KLHL1: variants seen among roughly 807,000 people sequenced by gnomAD.
KLHL1 encodes the protein kelch like family member 1.
Under a neutral mutation model 77.7 loss-of-function variants are expected in KLHL1, and 47 were observed. The observed-to-expected ratio is 0.60, with a 90% confidence interval of 0.48 to 0.77. The LOEUF (loss-of-function observed/expected upper bound fraction) is 0.77. Ranked by LOEUF, KLHL1 falls within the 30% of genes least tolerant of loss-of-function variation. The probability of loss-of-function intolerance (pLI) is 0.00; values close to 1 mark genes in which losing one functional copy is unlikely to be tolerated. For missense variants in KLHL1, 925 were observed against 910.8 expected, an observed-to-expected ratio of 1.02 and a Z score of -0.20; for synonymous variants, 360 against 325.2, an observed-to-expected ratio of 1.11 and a Z score of -1.15.
In KLHL1 at chr13:69,839,152, T is replaced by C. The variant is rs1210633637; in HGVS notation, c.1238A>G (p.Asp413Gly). The C allele has an allele frequency of 1.3e-6, 2 of 1,595,502 alleles. No homozygotes were observed. The highest frequency in any genetic ancestry group is 1.7e-6 in the Non-Finnish European group (2 of 1,168,578). The stretch of plus-strand genomic sequence containing the variant: ...CTTAAATAATGCATGATTTTCTAGG[T>C]CAGCCAATATCTGTGAATAATACAC... The part of the protein sequence containing the change: ...LPLLPPQILA[D>G]LENHALFKND... The change falls in exon 6 of 11, where the codon GAC (aspartate) becomes GGC (glycine). Residue 413 changes from aspartate to glycine, a missense_variant. Transcript: ENST00000377844.
chr13:69,946,010 T>C (rs930536789), intron 3 of KLHL1, among the ~76,000 whole-genome samples: 2 of 152,162 alleles, frequency 1.3e-5, no homozygotes, highest in African/African-American at 2.4e-5. Context: ...AAAATAATTA[T>C]TGATTATGAA....
chr13:69,800,272 CT>C (rs1345703899), intron 6 of KLHL1, among the ~76,000 whole-genome samples: 1 of 152,152 alleles, frequency 6.6e-6, no homozygotes, highest in Non-Finnish European at 1.5e-5. Context: ...TGCTTAACAA[CT>C]TTAATTCCTT....
intron 1 of KLHL1, among the ~76,000 whole-genome samples, chr13:70,019,184 G>A (rs533790270): frequency 6.6e-6 from 1 of 152,156 alleles, no homozygotes; most frequent in Non-Finnish European, 1.5e-5. Flanking sequence ...ATTCAGGAAA[G>A]GTTGTCTCTG....
chr13:70,031,661 A>G (rs575957807), intron 1 of KLHL1, among the ~76,000 whole-genome samples: 1 of 152,176 alleles, frequency 6.6e-6, no homozygotes, highest in African/African-American at 2.4e-5. Flanking sequence ...GGATGGGGGT[A>G]AGCTACTTTC....
At position 69,837,614 on chromosome 13, in the gene KLHL1, C is replaced by CTCTCTA. The variant is rs570243891; in HGVS notation, c.1414+1361_1414+1362insTAGAGA. Among the ~76,000 whole-genome samples, 547 of 136,416 alleles carry CTCTCTA rather than the reference C, an allele frequency of 4.0e-3. 15 individuals are homozygous for CTCTCTA. The highest frequency in any genetic ancestry group is 0.014 in the African/African-American group (472 of 32,846). 89.5% of individuals were successfully genotyped at this position (136,416 alleles called of 152,430 possible). On this transcript the variant is annotated intron_variant, in intron 6 of 10. Transcript: ENST00000377844. ...TATATATACACATACATCTCTCTCT[C>CTCTCTA]TATATATATGTGTGTGTATATATAT...
At chr13:70,019,284 G>A (rs1885731731) in intron 1 of KLHL1, among the ~76,000 whole-genome samples, 1 of 152,146 alleles carries the variant, frequency 6.6e-6, no homozygotes, top group Non-Finnish European at 1.5e-5. Flanking sequence ...AAACTCGGGT[G>A]AGCCTGGGGA....
chr13:69,868,398 A>AAAAATGAC (rs1880453166), intron 5 of KLHL1, among the ~76,000 whole-genome samples: 1 of 151,572 alleles, frequency 6.6e-6, no homozygotes. Context: ...TTTGTTAGAG[A>AAAAATGAC]AAAATGACAT....
At chr13:69,725,220 T>G (rs1488013053) in intron 8 of KLHL1, among the ~76,000 whole-genome samples, 1 of 152,180 alleles carries the variant, frequency 6.6e-6, no homozygotes, top group Non-Finnish European at 1.5e-5. Context: ...TGAAAATATG[T>G]TATGAAAAAC....
intron 1 of KLHL1, among the ~76,000 whole-genome samples, chr13:70,067,476 G>C (rs1166845769): frequency 2.6e-5 from 4 of 152,102 alleles, no homozygotes; most frequent in Non-Finnish European, 5.9e-5. Flanking sequence ...ACCTTGTATG[G>C]GGAAAGCCGG....
Position 69,975,754 on chromosome 13 carries a change from G to A in KLHL1, c.546C>T (p.Ser182=), listed in dbSNP as rs754265694. The change falls in exon 2 of 11, where the codon TCC becomes TCT. Residue 182 remains serine, a synonymous_variant. Coordinates refer to ENST00000377844, the MANE Select transcript of KLHL1 (RefSeq NM_020866.3). ...CTTGATAGAATTCTTCAGAGCTACT[G>A]GAGTCCAAATCACTTTGAGGTGTCA... ...HSMTPQSDLD[S]SSSEEFYQAV... The A allele has an allele frequency of 7.4e-6, 12 of 1,612,828 alleles. No individual in the cohort carries two copies. In the South Asian group the frequency reaches 7.7e-5, roughly 10 times the overall value.
intron 9 of KLHL1, 24 bp from the exon 10 acceptor site, chr13:69,707,820 A>T (rs180725391): frequency 1.9e-6 from 3 of 1,588,676 alleles, no homozygotes; most frequent in East Asian, 4.5e-5. Flanking sequence ...ACAATAGTAC[A>T]TAACATATTC....
At chr13:69,788,906 G>T (rs1046179552) in intron 7 of KLHL1, among the ~76,000 whole-genome samples, 4 of 152,164 alleles carry the variant, frequency 2.6e-5, no homozygotes, top group East Asian at 1.9e-4. Context: ...TTATTCTAAT[G>T]ATATTACAAT....
At chr13:69,855,250 C>T (rs1372176261) in intron 5 of KLHL1, among the ~76,000 whole-genome samples, 4 of 151,478 alleles carry the variant, frequency 2.6e-5, no homozygotes, top group Admixed American at 1.3e-4. Context: ...GATGCCAGAA[C>T]GGCTGCTGGA....
At chr13:70,009,017 G>A (rs1385855658) in intron 1 of KLHL1, among the ~76,000 whole-genome samples, 1 of 152,092 alleles carries the variant, frequency 6.6e-6, no homozygotes, top group Non-Finnish European at 1.5e-5. Context: ...TAAAAGTAAA[G>A]ATGAGATTAT....
chr13:70,007,202 C>A lies in KLHL1; in HGVS notation c.498-31400G>T, dbSNP rs541327473. On this transcript the variant is annotated intron_variant, in intron 1 of 10. Transcript: ENST00000377844. ...TGGAAAAAGTTTATTTGGAATGTGTCGTATTGCAATAAATCAAATGTGTAT... is the reference window on the plus strand; with the variant it reads ...TGGAAAAAGTTTATTTGGAATGTGTAGTATTGCAATAAATCAAATGTGTAT... 5.3e-5 allele frequency among the ~76,000 whole-genome samples: 8 copies of A among 151,982 alleles called. No homozygotes were observed. In the South Asian group the frequency reaches 1.5e-3, roughly 28 times the overall value.
intron 1 of KLHL1, among the ~76,000 whole-genome samples, chr13:69,978,952 G>C (rs188665206): frequency 6.6e-6 from 1 of 152,038 alleles, no homozygotes; most frequent in East Asian, 1.9e-4. Context: ...GAAAGAAATA[G>C]AGCTTGGTGA....
chr13:70,009,068 T>G (rs1885471090), intron 1 of KLHL1, among the ~76,000 whole-genome samples: 1 of 151,788 alleles, frequency 6.6e-6, no homozygotes, highest in South Asian at 2.1e-4. Context: ...AATTGGGGGG[T>G]TTTGAAAAAC....
Position 70,107,294 on chromosome 13 carries a change from G to C in KLHL1, c.406C>G (p.Pro136Ala), listed in dbSNP as rs371552263. The change falls in exon 1 of 11, where the codon CCT (proline) becomes GCT (alanine). Residue 136 changes from proline to alanine, a missense_variant. Pro to Ala is a conservative substitution (Grantham distance 27, BLOSUM62 -1). Coordinates refer to ENST00000377844, the MANE Select transcript of KLHL1 (RefSeq NM_020866.3). ...EEEVVPGMDF[P>A]GPHEKGLVLQ... ...ACCAGCCCTTTTTCGTGTGGTCCAG[G>C]AAAGTCCATGCCTGGCACCACCTCC... 6 of 1,614,006 alleles carry C rather than the reference G, an allele frequency of 3.7e-6. No individual in the cohort carries two copies. In the African/African-American group the frequency reaches 6.7e-5, roughly 18 times the overall value.
At chr13:70,027,353 G>A (rs998285113) in intron 1 of KLHL1, among the ~76,000 whole-genome samples, 6 of 148,980 alleles carry the variant, frequency 4.0e-5, no homozygotes, top group Admixed American at 6.9e-5. Flanking sequence ...CCATAGGAGC[G>A]TAAATCCCTT....
Sources: gnomAD v4.1 joint callset for allele counts (sites outside exome capture counted in the v4.1 genomes callset) on GRCh38, gnomAD v4.1.1 for gene constraint, MANE v1.5 for transcripts, NCBI Gene and HGNC (gene_info 2026-07-23, HGNC 2026-07-21) for gene names.